The following PTPRQ variants were observed in gnomAD, a reference collection of about 807,000 sequenced individuals.
PTPRQ encodes the protein protein tyrosine phosphatase receptor type Q.
PTPRQ carries 199 observed loss-of-function variants against 246.0 expected under a neutral mutation model. The ratio of observed to expected loss-of-function variants is 0.81; its 90% CI spans 0.72 to 0.91. The LOEUF (loss-of-function observed/expected upper bound fraction) is 0.91. Among genes scored for constraint, PTPRQ ranks in the 40% least tolerant of loss-of-function variants. The pLI, the probability that PTPRQ is intolerant of heterozygous loss-of-function variation, is 0.00. For missense variants in PTPRQ, 2,624 were observed against 2,528.4 expected (o/e 1.04, Z -0.81); for synonymous variants, 869 against 853.2 (o/e 1.02, Z -0.32).
At chr12:80,596,743 T>G (rs952921489) in intron 26 of PTPRQ, among the ~76,000 whole-genome samples, 4 of 152,046 alleles carry the variant, frequency 2.6e-5, no homozygotes, top group African/African-American at 9.7e-5. Flanking sequence ...CTATTTCTTC[T>G]GCATTTACCA....
chr12:80,491,514 T>C (rs545413428), intron 9 of PTPRQ, among the ~76,000 whole-genome samples: 94 of 151,966 alleles, frequency 6.2e-4, no homozygotes, highest in Non-Finnish European at 1.0e-3. Context: ...TCCCTATCCA[T>C]AGTTCTTTAT....
At chr12:80,647,696 T>C (rs192024935) in intron 35 of PTPRQ, among the ~76,000 whole-genome samples, 3 of 152,258 alleles carry the variant, frequency 2.0e-5, no homozygotes, top group Non-Finnish European at 4.4e-5. Context: ...TCCATATCCA[T>C]CTAGAATAAG....
chr12:80,451,245 T>A (rs1274293398), intron 3 of PTPRQ, among the ~76,000 whole-genome samples: 3 of 148,562 alleles, frequency 2.0e-5, no homozygotes, highest in African/African-American at 7.5e-5. Flanking sequence ...CATTTTTTAT[T>A]GCATCTATTT....
At chr12:80,657,911 A>G in intron 38 of PTPRQ, 74 bp from the exon 39 acceptor site, 1 of 1,117,394 alleles carries the variant, frequency 8.9e-7, no homozygotes, top group South Asian at 2.1e-5. Context: ...ACTCCTTTGT[A>G]TTACTTTTAT....
chr12:80,567,791 A>G (rs955679058), intron 25 of PTPRQ, among the ~76,000 whole-genome samples: 1 of 152,164 alleles, frequency 6.6e-6, no homozygotes, highest in Non-Finnish European at 1.5e-5. Context: ...GTCATAGAGT[A>G]GGTATATATT....
intron 3 of PTPRQ, among the ~76,000 whole-genome samples, chr12:80,448,741 A>G (rs1892638975): frequency 6.7e-6 from 1 of 148,906 alleles, no homozygotes; most frequent in Admixed American, 6.7e-5. Flanking sequence ...TCCATGGTGT[A>G]TATGTGCCAC....
Position 80,510,356 on chromosome 12 carries a change from A to G in PTPRQ, c.2591A>G (p.Lys864Arg). ...TCTCCCCCTCAAGACTTCTCTGTAA[A>G]ACAGTTGTCTGGTGTCACGGTGAAG... is the stretch of plus-strand genomic sequence containing the variant. Reference protein sequence around the residue: ...PDSPPQDFSVKQLSGVTVKLS... With the variant: ...PDSPPQDFSVRQLSGVTVKLS... The change falls in exon 17 of 45, where the codon AAA becomes AGA. Residue 864 changes from lysine to arginine, a missense_variant. By Grantham distance (26) the Lys-to-Arg change is conservative (BLOSUM62 2). Coordinates refer to ENST00000644991, the MANE Select transcript of PTPRQ (RefSeq NM_001145026.2). 6.5e-7 allele frequency: 1 copy of G among 1,550,102 alleles called. No homozygotes were observed. Among genetic ancestry groups the G allele is most frequent in the Admixed American group, 2.0e-5 (1 of 50,962 alleles).
rs1326374195 is a variant in PTPRQ, at chr12:80,539,856, C to G, written c.3066C>G (p.Ser1022Arg). 6.5e-7 allele frequency: 1 copy of G among 1,548,944 alleles called. No homozygotes were observed. Among genetic ancestry groups the G allele is most frequent in the East Asian group, 2.5e-5 (1 of 40,716 alleles). Residue 1022 changes from serine to arginine, a missense_variant, in exon 20 of 45, where the codon AGC (serine) becomes AGG (arginine). By Grantham distance (110) the Ser-to-Arg change is moderately radical. Transcript: ENST00000644991. ...TTATAGATAAACTGACAATATTCAG[C>G]TACTATACATTTTGGTTAACAGCAA... ...STIIDKLTIFSYYTFWLTAST... is the reference protein window; with the variant it reads ...STIIDKLTIFRYYTFWLTAST...
At chr12:80,480,877 A>T (rs908614999) in intron 8 of PTPRQ, among the ~76,000 whole-genome samples, 1 of 152,230 alleles carries the variant, frequency 6.6e-6, no homozygotes, top group Non-Finnish European at 1.5e-5. Context: ...TTGTGGCAAT[A>T]AGCAATAGCT....
At chr12:80,558,899 G>C (rs956431419) in intron 25 of PTPRQ, among the ~76,000 whole-genome samples, 2 of 152,058 alleles carry the variant, frequency 1.3e-5, no homozygotes, top group Admixed American at 1.3e-4. Flanking sequence ...TGAAATGGCT[G>C]TTCATTACTT....
intron 9 of PTPRQ, among the ~76,000 whole-genome samples, chr12:80,491,260 A>G (rs1221476519): frequency 6.6e-6 from 1 of 151,972 alleles, no homozygotes; most frequent in Non-Finnish European, 1.5e-5. Flanking sequence ...CTACCTCACT[A>G]TAGTTCATTC....
intron 25 of PTPRQ, among the ~76,000 whole-genome samples, chr12:80,580,685 G>T (rs945755020): frequency 6.6e-6 from 1 of 152,050 alleles, no homozygotes; most frequent in African/African-American, 2.4e-5. Context: ...TTCATTTTTG[G>T]TTTATCTTTC....
intron 6 of PTPRQ, among the ~76,000 whole-genome samples, chr12:80,461,476 A>G (rs1893166723): frequency 6.6e-6 from 1 of 152,040 alleles, no homozygotes; most frequent in African/African-American, 2.4e-5. Flanking sequence ...ATGAGAACAT[A>G]TTTTTGGTAA....
At chr12:80,631,868 G>T (rs1251747559) in intron 33 of PTPRQ, among the ~76,000 whole-genome samples, 1 of 152,140 alleles carries the variant, frequency 6.6e-6, no homozygotes, top group Non-Finnish European at 1.5e-5. Context: ...TCAAAATAAA[G>T]ACGTCTGGTA....
chr12:80,610,865 C>T lies in PTPRQ; in HGVS notation c.4918+240C>T, dbSNP rs369818431. ...AAATACAGCAACAATTAAAGGTATCCGCTGTATTTCTTTGCACTTATTTAA... is the reference window on the plus strand; with the variant it reads ...AAATACAGCAACAATTAAAGGTATCTGCTGTATTTCTTTGCACTTATTTAA... On this transcript the variant is annotated intron_variant, in intron 28 of 44. Coordinates refer to ENST00000644991, the MANE Select transcript of PTPRQ (RefSeq NM_001145026.2). Among the ~76,000 whole-genome samples, 118 of 150,348 alleles carry T rather than the reference C, an allele frequency of 7.8e-4. 1 individual carries two copies. Among genetic ancestry groups the T allele is most frequent in the Middle Eastern group, 6.8e-3 (2 of 292 alleles).
chr12:80,534,216 T>C, intron 18 of PTPRQ, 41 bp downstream of exon 18: 2 of 1,428,298 alleles, frequency 1.4e-6, no homozygotes. Context: ...ATGTTCTTTT[T>C]CTTTAAAAAA....
In PTPRQ at chr12:80,506,189, T is replaced by C. The variant is rs1477475352; in HGVS notation, c.2438T>C (p.Leu813Ser). The change falls in exon 15 of 45, where the codon TTA becomes TCA. Residue 813 changes from leucine (L) to serine (S), a missense_variant. Physicochemically the swap from Leu to Ser is moderately radical, Grantham distance 145. Coordinates refer to ENST00000644991, the MANE Select transcript of PTPRQ (RefSeq NM_001145026.2). ...NEERTINTTS[L>S]TQNIKVLKKY... Reference sequence around the variant, plus strand: ...GAAAGAACTATAAATACAACCTCTTTAACCCAAAACATTAAAGGTAAAAGA... The same window carrying C: ...GAAAGAACTATAAATACAACCTCTTCAACCCAAAACATTAAAGGTAAAAGA... 1.3e-6 allele frequency: 2 copies of C among 1,492,732 alleles called. No individual in the cohort carries two copies. The highest frequency in any genetic ancestry group is 2.7e-5 in the Admixed American group (1 of 36,804). 92.5% of individuals were successfully genotyped at this position (1,492,732 alleles called of 1,614,324 possible).
At chr12:80,617,486 G>A (rs1363730484) in intron 30 of PTPRQ, among the ~76,000 whole-genome samples, 1 of 151,382 alleles carries the variant, frequency 6.6e-6, no homozygotes, top group Non-Finnish European at 1.5e-5. Flanking sequence ...ACTTCACAAA[G>A]AATAGTATGA....
intron 5 of PTPRQ, 67 bp downstream of exon 5, chr12:80,459,550 G>A: frequency 5.0e-6 from 2 of 397,446 alleles, no homozygotes; most frequent in Non-Finnish European, 4.4e-6. Context: ...CATATTTCTA[G>A]CATCTAGATA....
Sources: allele counts gnomAD v4.1 joint callset (sites outside exome capture counted in the v4.1 genomes callset), GRCh38; gene constraint gnomAD v4.1.1; transcripts MANE v1.5; gene names NCBI Gene and HGNC (gene_info 2026-07-23, HGNC 2026-07-21).